The following FAM117B variants were observed in gnomAD, a reference collection of about 807,000 sequenced individuals.
The protein encoded by FAM117B is protein FAM117B.
A neutral mutation model predicts 52.8 loss-of-function variants in FAM117B; 22 were observed. The ratio of observed to expected loss-of-function variants is 0.42; its 90% CI spans 0.30 to 0.59. The LOEUF (loss-of-function observed/expected upper bound fraction) is 0.59, where lower values mean the gene tolerates loss of function less well. FAM117B is among the 20% of genes least tolerant of loss of function. FAM117B has a pLI of 0.22. For synonymous variants in FAM117B, 309 were observed against 324.1 expected (o/e 0.95, Z 0.50); for missense variants, 678 against 802.6 (o/e 0.84, Z 1.88).
chr2:202,685,376 C>T (rs1690523553), intron 1 of FAM117B, among the ~76,000 whole-genome samples: 1 of 152,104 alleles, frequency 6.6e-6, no homozygotes, highest in African/African-American at 2.4e-5. Context: ...AGACGTCAAC[C>T]TTCTAATTAA....
intron 4 of FAM117B, among the ~76,000 whole-genome samples, chr2:202,753,619 A>G (rs1234465526): frequency 6.6e-6 from 1 of 152,232 alleles, no homozygotes; most frequent in Non-Finnish European, 1.5e-5. Flanking sequence ...TACCCATCTG[A>G]CAGAGGTTTA....
chr2:202,692,663 T>TAATGCTG (rs1308111294), intron 1 of FAM117B, among the ~76,000 whole-genome samples: 2 of 152,224 alleles, frequency 1.3e-5, no homozygotes, highest in Non-Finnish European at 2.9e-5. Flanking sequence ...GTTCATCTGC[T>TAATGCTG]AATGCTGATT....
chr2:202,692,742 C>T (rs1453967316), intron 1 of FAM117B, among the ~76,000 whole-genome samples: 1 of 152,114 alleles, frequency 6.6e-6, no homozygotes, highest in East Asian at 1.9e-4. Flanking sequence ...CATGGCATAA[C>T]TTTGTCATTA....
At chr2:202,675,712 T>C (rs2351114) in intron 1 of FAM117B, among the ~76,000 whole-genome samples, 126,528 of 151,952 alleles carry the variant, frequency 0.83, 52,753 homozygotes, top group African/African-American at 0.87. Flanking sequence ...AGGCTGGGTG[T>C]GGCAGCTCAC....
At chr2:202,705,482 CT>C (rs1690857879) in intron 2 of FAM117B, among the ~76,000 whole-genome samples, 1 of 152,102 alleles carries the variant, frequency 6.6e-6, no homozygotes, top group Non-Finnish European at 1.5e-5. Context: ...AAGGTATTCT[CT>C]TTTTTTCCTG....
chr2:202,732,842 AT>A (rs1691377729), intron 4 of FAM117B, among the ~76,000 whole-genome samples: 1 of 148,340 alleles, frequency 6.7e-6, no homozygotes, highest in Non-Finnish European at 1.5e-5. Flanking sequence ...AAATAAATAA[AT>A]AAATAAATAA....
intron 1 of FAM117B, among the ~76,000 whole-genome samples, chr2:202,649,869 T>G (rs2105755920): frequency 6.6e-6 from 1 of 152,162 alleles, no homozygotes; most frequent in African/African-American, 2.4e-5. Context: ...TTTGTTTGTT[T>G]GTTTGTTTAT....
intron 1 of FAM117B, among the ~76,000 whole-genome samples, chr2:202,669,901 A>G (rs1388843977): frequency 6.6e-6 from 1 of 152,218 alleles, no homozygotes; most frequent in Non-Finnish European, 1.5e-5. Flanking sequence ...ATGACAGTAG[A>G]ACTGAAGAAA....
intron 1 of FAM117B, among the ~76,000 whole-genome samples, chr2:202,642,840 C>T (rs1689683283): frequency 6.6e-6 from 1 of 152,084 alleles, no homozygotes; most frequent in African/African-American, 2.4e-5. Context: ...AGATAGAACT[C>T]TGGGAGGAAA....
At chr2:202,720,687 A>G (rs1382404366) in intron 2 of FAM117B, among the ~76,000 whole-genome samples, 3 of 151,930 alleles carry the variant, frequency 2.0e-5, no homozygotes, top group African/African-American at 7.3e-5. Flanking sequence ...CATACATTGC[A>G]CTTGGCTTCT....
intron 4 of FAM117B, among the ~76,000 whole-genome samples, chr2:202,746,476 A>G (rs1487322514): frequency 1.4e-5 from 2 of 147,570 alleles, no homozygotes; most frequent in Non-Finnish European, 3.0e-5. Context: ...AGAGGAAAGT[A>G]TATACCAATA....
intron 1 of FAM117B, among the ~76,000 whole-genome samples, chr2:202,647,502 A>G (rs969535566): frequency 6.6e-6 from 1 of 152,228 alleles, no homozygotes; most frequent in Non-Finnish European, 1.5e-5. Flanking sequence ...TTCATATTCA[A>G]CTGAAATGAA....
rs139554416 is a variant in FAM117B, at chr2:202,651,909, C to T, written c.601+16121C>T. Among the ~76,000 whole-genome samples, 227 of 151,904 alleles carry T rather than the reference C, an allele frequency of 1.5e-3. 5 individuals are homozygous for T. In the East Asian group the frequency reaches 0.034, roughly 23 times the overall value. The stretch of plus-strand genomic sequence containing the variant: ...TCTCTACTACAAATACAAAATTAGC[C>T]GGGCGTGGTGATGCATGCCTGTAAT... On this transcript the variant is annotated intron_variant, in intron 1 of 7. Coordinates refer to ENST00000392238, the MANE Select transcript of FAM117B (RefSeq NM_173511.4).
At chr2:202,737,484 C>G (rs7602496) in intron 4 of FAM117B, among the ~76,000 whole-genome samples, 3 of 151,990 alleles carry the variant, frequency 2.0e-5, no homozygotes, top group African/African-American at 7.3e-5. Context: ...CTCTAACCCT[C>G]TCTTTTTGGG....
chr2:202,712,778 A>T (rs529162971), intron 2 of FAM117B, among the ~76,000 whole-genome samples: 1 of 152,272 alleles, frequency 6.6e-6, no homozygotes, highest in African/African-American at 2.4e-5. Context: ...GATGTTATCA[A>T]ATGCATTTTC....
intron 4 of FAM117B, among the ~76,000 whole-genome samples, chr2:202,740,995 G>T (rs1238784179): frequency 6.9e-6 from 1 of 145,634 alleles, no homozygotes; most frequent in Non-Finnish European, 1.5e-5. Flanking sequence ...GCTATTTAAT[G>T]GGGAAACATG....
intron 1 of FAM117B, among the ~76,000 whole-genome samples, chr2:202,644,381 A>G (rs983289139): frequency 1.3e-5 from 2 of 152,134 alleles, no homozygotes. Context: ...TGATAATGGA[A>G]ACTTCCTGTA....
At chr2:202,721,869 A>G (rs982115291) in intron 2 of FAM117B, among the ~76,000 whole-genome samples, 2 of 151,832 alleles carry the variant, frequency 1.3e-5, no homozygotes, top group African/African-American at 4.8e-5. Flanking sequence ...CCTGGGCTCA[A>G]GTGATCCTGT....
At chr2:202,736,219 T>G (rs1449881362) in intron 4 of FAM117B, among the ~76,000 whole-genome samples, 3 of 152,228 alleles carry the variant, frequency 2.0e-5, no homozygotes, top group Non-Finnish European at 4.4e-5. Context: ...TTTTAAAAGT[T>G]TTTTGCCGTT....
Sources: allele counts gnomAD v4.1 joint callset (sites outside exome capture counted in the v4.1 genomes callset), GRCh38; gene constraint gnomAD v4.1.1; transcripts MANE v1.5; gene names NCBI Gene and HGNC (gene_info 2026-07-23, HGNC 2026-07-21).